SIPA1L1: variants seen among roughly 807,000 people sequenced by gnomAD.
SIPA1L1 encodes signal-induced proliferation-associated 1-like protein 1.
SIPA1L1 carries 26 observed loss-of-function variants against 162.7 expected under a neutral mutation model. The ratio of observed to expected loss-of-function variants is 0.16; its 90% CI spans 0.12 to 0.22. The LOEUF (loss-of-function observed/expected upper bound fraction) is 0.22. Ranked by LOEUF, SIPA1L1 falls within the 10% of genes least tolerant of loss-of-function variation. The pLI, the probability that SIPA1L1 is intolerant of heterozygous loss-of-function variation, is 1.00. For synonymous variants in SIPA1L1, 829 were observed against 837.4 expected (o/e 0.99, Z 0.17); for missense variants, 1,874 against 2,241.0 (o/e 0.84, Z 3.31).
At chr14:71,466,938 C>T (rs1028133137) in intron 2 of SIPA1L1, among the ~76,000 whole-genome samples, 1 of 152,136 alleles carries the variant, frequency 6.6e-6, no homozygotes, top group African/African-American at 2.4e-5. Flanking sequence ...TATGTGAGTG[C>T]TTTTGATCTA....
At chr14:71,346,995 A>T (rs1651500443) in intron 2 of SIPA1L1, among the ~76,000 whole-genome samples, 1 of 151,036 alleles carries the variant, frequency 6.6e-6, no homozygotes, top group South Asian at 2.1e-4. Context: ...TCTGTTGCCC[A>T]GGCTGGAGTG....
intron 7 of SIPA1L1, among the ~76,000 whole-genome samples, chr14:71,643,761 T>C (rs1354022463): frequency 1.3e-5 from 2 of 152,190 alleles, no homozygotes; most frequent in Non-Finnish European, 2.9e-5. Context: ...ATTGTGGATA[T>C]TTTCCTTTGA....
chr14:71,368,103 G>GT (rs1566938368), intron 2 of SIPA1L1, among the ~76,000 whole-genome samples: 1 of 133,300 alleles, frequency 7.5e-6, no homozygotes, highest in Non-Finnish European at 1.6e-5. Context: ...CAGCTTTTAT[G>GT]TTTTTTGTAC....
At chr14:71,527,932 T>C (rs1035753034) in intron 3 of SIPA1L1, among the ~76,000 whole-genome samples, 1 of 152,222 alleles carries the variant, frequency 6.6e-6, no homozygotes, top group African/African-American at 2.4e-5. Context: ...TCGTCCAGGC[T>C]GGAGGAGTGC....
At chr14:71,489,703 A>C (rs2049075218) in intron 2 of SIPA1L1, among the ~76,000 whole-genome samples, 1 of 145,406 alleles carries the variant, frequency 6.9e-6, no homozygotes, top group Non-Finnish European at 1.5e-5. Context: ...GATTAGCTTA[A>C]AAAAAAAAAA....
rs45568931 is a variant in SIPA1L1, at chr14:71,671,467, C to T, written c.2604C>T (p.Tyr868=). The change falls in exon 11 of 24, where the codon TAC becomes TAT. Residue 868 remains tyrosine (Y), a synonymous_variant. Transcript: ENST00000381232. ...AIVWAVRAED[Y]NKAMELDCLL... is the part of the protein sequence containing the mutation. ...TATGGGCAGTCCGGGCTGAAGACTA[C>T]AACAAGGCCATGGAACTAGACTGCC... The T allele has an allele frequency of 2.7e-3, 4,310 of 1,614,056 alleles. 6 individuals carry two copies. The highest frequency in any genetic ancestry group is 3.3e-3 in the Non-Finnish European group (3,951 of 1,179,990).
intron 6 of SIPA1L1, among the ~76,000 whole-genome samples, chr14:71,623,055 C>T (rs2039612646): frequency 6.6e-6 from 1 of 152,210 alleles, no homozygotes; most frequent in African/African-American, 2.4e-5. Flanking sequence ...TAAAACCCCT[C>T]CTTTCAGTGG....
Position 71,348,418 on chromosome 14 carries a change from T to C in SIPA1L1, c.-465+27237T>C, listed in dbSNP as rs1219894282. On this transcript the variant is annotated intron_variant, in intron 2 of 23. Coordinates refer to ENST00000381232, the MANE Select transcript of SIPA1L1 (RefSeq NM_001386936.1). ...TTGCCTAACATGTAAAATTTATCCA[T>C]GTATTTCCTGTAGTTCATTTTCTTT... Among the ~76,000 whole-genome samples, 4 of 152,246 alleles carry C rather than the reference T, an allele frequency of 2.6e-5. No homozygotes were observed. The South Asian group carries it at 6.2e-4, about 24-fold the overall frequency.
At chr14:71,451,606 A>C (rs1412113462) in intron 2 of SIPA1L1, among the ~76,000 whole-genome samples, 1 of 149,086 alleles carries the variant, frequency 6.7e-6, no homozygotes, top group East Asian at 2.0e-4. Flanking sequence ...TTGCACTCCA[A>C]CCTGGGTAAC....
intron 2 of SIPA1L1, among the ~76,000 whole-genome samples, chr14:71,381,728 A>G (rs1386833915): frequency 6.6e-6 from 1 of 152,128 alleles, no homozygotes; most frequent in Non-Finnish European, 1.5e-5. Context: ...TTTGTTGGCA[A>G]CTGCATTGTG....
rs1179502376 is a variant in SIPA1L1, at chr14:71,377,420, G to A, written c.-465+56239G>A. On this transcript the variant is annotated intron_variant, in intron 2 of 23. Coordinates refer to ENST00000381232, the MANE Select transcript of SIPA1L1 (RefSeq NM_001386936.1). This position sits in a 1 kb window ranked among gnomAD's most constrained non-coding sequence, Gnocchi z 4.8. ...AGGCACTCCTCACCTCCCAGACAGG[G>A]TGGCAGCCGGGTAGAGATGCTCCTC... Among the ~76,000 whole-genome samples, 1 of 151,938 alleles carries A rather than the reference G, an allele frequency of 6.6e-6. No individual in the cohort carries two copies. The highest frequency in any genetic ancestry group is 1.5e-5 in the Non-Finnish European group (1 of 67,952).
intron 2 of SIPA1L1, among the ~76,000 whole-genome samples, chr14:71,324,892 A>T (rs1446479465): frequency 1.3e-5 from 2 of 152,110 alleles, no homozygotes; most frequent in African/African-American, 4.8e-5. Flanking sequence ...GGAGAGATAA[A>T]ACAGGACATA....
chr14:71,661,500 G>A, intron 10 of SIPA1L1, 33 bp downstream of exon 10: 4 of 1,597,692 alleles, frequency 2.5e-6, no homozygotes, highest in Non-Finnish European at 3.4e-6. Context: ...GGGCTCTGTG[G>A]ATGTTGGCTG....
chr14:71,525,867 T>TA (rs2052815141), intron 3 of SIPA1L1, among the ~76,000 whole-genome samples: 1 of 152,222 alleles, frequency 6.6e-6, no homozygotes, highest in Non-Finnish European at 1.5e-5. Context: ...CAGATTATGT[T>TA]AAAATGCAGG....
chr14:71,525,150 T>A (rs1315080914), intron 3 of SIPA1L1, among the ~76,000 whole-genome samples: 2 of 150,624 alleles, frequency 1.3e-5, no homozygotes, highest in East Asian at 3.9e-4. Context: ...ATTTTTGTAT[T>A]TTTTGTAGAG....
At chr14:71,634,237 C>T in intron 7 of SIPA1L1, among the ~76,000 whole-genome samples, 1 of 151,620 alleles carries the variant, frequency 6.6e-6, no homozygotes, top group East Asian at 1.9e-4. Flanking sequence ...CCTGTGTCTA[C>T]TAAAAATACA....
chr14:71,330,864 C>G (rs567572464), intron 2 of SIPA1L1: 13 of 571,226 alleles, frequency 2.3e-5, no homozygotes, highest in African/African-American at 1.5e-4. Flanking sequence ...TTTTTCCACT[C>G]CAGGTTGCTT....
chr14:71,705,372 G>C (rs1223281757), intron 16 of SIPA1L1, 32 bp downstream of exon 16: 2 of 1,462,922 alleles, frequency 1.4e-6, no homozygotes, highest in Admixed American at 3.3e-5. Flanking sequence ...AAAAGTATTA[G>C]ATTCCTAGCA....
chr14:71,505,419 T>C (rs941739261), intron 2 of SIPA1L1, among the ~76,000 whole-genome samples: 2 of 143,088 alleles, frequency 1.4e-5, no homozygotes, highest in African/African-American at 5.1e-5. Context: ...TCTCTCTTTC[T>C]TCTTTTTTTT....
Sources: gnomAD v4.1 joint callset for allele counts (sites outside exome capture counted in the v4.1 genomes callset) on GRCh38, gnomAD v4.1.1 for gene constraint, Gnocchi (gnomAD v3.1) non-coding constraint, MANE v1.5 for transcripts, NCBI Gene and HGNC (gene_info 2026-07-23, HGNC 2026-07-21) for gene names.